Variants in ABCC11 observed in about 807,000 individuals in gnomAD.
The protein encoded by ABCC11 is ATP-binding cassette sub-family C member 11.
In ABCC11, 135 loss-of-function variants were observed where a neutral mutation model predicts 149.3. That is an observed-to-expected ratio of 0.90 (90% confidence interval 0.79 to 1.04). The LOEUF is 1.04. ABCC11 is among the 50% of genes least tolerant of loss of function. The probability of loss-of-function intolerance (pLI) is 0.00; values close to 1 mark genes in which losing one functional copy is unlikely to be tolerated. For missense variants in ABCC11, 1,680 were observed against 1,722.1 expected, an observed-to-expected ratio of 0.98 and a Z score of 0.43; for synonymous variants, 665 against 671.4, an observed-to-expected ratio of 0.99 and a Z score of 0.15.
chr16:48,243,579 G>C (rs754688874), intron 1 of ABCC11, among the ~76,000 whole-genome samples: 2 of 149,914 alleles, frequency 1.3e-5, no homozygotes, highest in Non-Finnish European at 3.0e-5. Flanking sequence ...AGGCCTATAG[G>C]TTAAACGATA....
intron 23 of ABCC11, 58 bp downstream of exon 23, chr16:48,184,382 G>A: frequency 6.4e-7 from 1 of 1,569,704 alleles, no homozygotes; most frequent in South Asian, 1.2e-5. Context: ...CTGCCCAGAA[G>A]CCACAGGCAG....
chr16:48,238,782 A>G (rs1033465752), intron 1 of ABCC11, among the ~76,000 whole-genome samples: 1 of 151,718 alleles, frequency 6.6e-6, no homozygotes, highest in Non-Finnish European at 1.5e-5. Flanking sequence ...CTAAAAATAC[A>G]AAAAATTAGC....
chr16:48,232,217 C>T (rs1970465012), intron 1 of ABCC11: 2 of 391,550 alleles, frequency 5.1e-6, no homozygotes, highest in Non-Finnish European at 4.1e-6. Flanking sequence ...TGGGCAATCT[C>T]CTTTGATGTA....
chr16:48,234,246 T>A (rs899833773), intron 1 of ABCC11, among the ~76,000 whole-genome samples: 16 of 152,196 alleles, frequency 1.1e-4, no homozygotes, highest in Non-Finnish European at 2.2e-4. Context: ...ACCATAGAGA[T>A]ATAATAGATG....
At chr16:48,190,055 A>G (rs562349590) in intron 20 of ABCC11, among the ~76,000 whole-genome samples, 10 of 152,212 alleles carry the variant, frequency 6.6e-5, no homozygotes, top group African/African-American at 2.2e-4. Context: ...TGAAGTCCCC[A>G]AGAAGGCTTT....
Position 48,193,978 on chromosome 16 carries a change from G to A in ABCC11, c.2409C>T (p.Tyr803=), listed in dbSNP as rs141897765. Residue 803 remains tyrosine (Y), a synonymous_variant, in exon 19 of 30, where the codon TAC becomes TAT. Transcript: ENST00000356608. ...AGAAGAAAATTATGCAAGAGACCAT[G>A]TAACCTGGGAGGGAGACAGTGGTGA... ...YHHYIQAAGG[Y]MVSCIIFFFV... is the part of the protein sequence containing the mutation. 1.1e-3 allele frequency: 1,761 copies of A among 1,610,476 alleles called. 23 individuals carry two copies. In the African/African-American group the frequency reaches 0.022, roughly 20 times the overall value.
At chr16:48,203,068 C>T (rs1161854961) in intron 14 of ABCC11, among the ~76,000 whole-genome samples, 160 bp downstream of exon 14, 1 of 152,246 alleles carries the variant, frequency 6.6e-6, no homozygotes, top group African/African-American at 2.4e-5. Flanking sequence ...CCCAACCTCC[C>T]TCAGTGAGGG....
intron 1 of ABCC11, among the ~76,000 whole-genome samples, chr16:48,242,494 C>G (rs1441750500): frequency 6.6e-6 from 1 of 152,154 alleles, no homozygotes; most frequent in Non-Finnish European, 1.5e-5. Flanking sequence ...GTGGCAATTC[C>G]TCAAGGATCT....
At chr16:48,238,515 A>G (rs1970790362) in intron 1 of ABCC11, among the ~76,000 whole-genome samples, 1 of 152,172 alleles carries the variant, frequency 6.6e-6, no homozygotes, top group Non-Finnish European at 1.5e-5. Flanking sequence ...TGGACTTCAC[A>G]TTGGAGAAAA....
intron 8 of ABCC11, 76 bp from the exon 9 acceptor site, chr16:48,215,105 C>G: frequency 6.3e-7 from 1 of 1,582,276 alleles, no homozygotes; most frequent in Non-Finnish European, 8.6e-7. Flanking sequence ...ATCCCCAAAG[C>G]ATTAAAAAGA....
intron 20 of ABCC11, among the ~76,000 whole-genome samples, chr16:48,189,753 G>A (rs1436778897): frequency 6.6e-6 from 1 of 152,172 alleles, no homozygotes; most frequent in Non-Finnish European, 1.5e-5. Flanking sequence ...CAGGCCTCAG[G>A]TAGAATTTCC....
intron 1 of ABCC11, among the ~76,000 whole-genome samples, chr16:48,246,951 T>C (rs1971420689): frequency 1.4e-5 from 1 of 71,394 alleles, no homozygotes; most frequent in South Asian, 4.4e-4. Flanking sequence ...TCACTAATAA[T>C]CAGGTACTGT....
intron 1 of ABCC11, among the ~76,000 whole-genome samples, chr16:48,242,219 T>TC (rs2150942814): frequency 6.6e-6 from 1 of 152,158 alleles, no homozygotes; most frequent in South Asian, 2.1e-4. Flanking sequence ...AACAACCCCA[T>TC]CTAAAAGTGG....
At chr16:48,171,868 C>T (rs1965744443) in intron 26 of ABCC11, among the ~76,000 whole-genome samples, 1 of 152,152 alleles carries the variant, frequency 6.6e-6, no homozygotes, top group Admixed American at 6.5e-5. Context: ...GAAGCTGAGA[C>T]AGAAGAATCA....
rs906086941 is a variant in ABCC11 at position 48,232,107 on chromosome 16, C to A, written c.-18-168G>T. The A allele has an allele frequency of 3.7e-6, 5 of 1,361,770 alleles. No homozygotes were observed. In the African/African-American group the frequency reaches 4.4e-5, roughly 12 times the overall value. The allele number at this position is 1,361,770 out of a possible 1,614,324, so 84.4% of individuals were successfully genotyped here. On this transcript the variant is annotated intron_variant, in intron 1 of 29. Coordinates refer to ENST00000356608, the MANE Select transcript of ABCC11 (RefSeq NM_001370497.1). ...CCTCTCCTTAGCCTGTGCTTGATCCCTCTTTTTAAACATCTTCTCAGGCCT... is the reference window on the plus strand; with the variant it reads ...CCTCTCCTTAGCCTGTGCTTGATCCATCTTTTTAAACATCTTCTCAGGCCT...
In ABCC11 at chr16:48,222,641, T is replaced by A. The variant is rs753692556; in HGVS notation, c.734A>T (p.Lys245Met). Residue 245 changes from lysine (K) to methionine (M), a missense_variant, in exon 6 of 30, where the codon AAG (lysine) becomes ATG (methionine). Lys to Met is a moderately conservative substitution (Grantham distance 95). Transcript: ENST00000356608. Reference protein sequence around the residue: ...RAAVSSFAFEKLIQFKSVIHI... With the variant: ...RAAVSSFAFEMLIQFKSVIHI... ...TATTACAGACTTAAATTGGATGAGCTTCTCAAAGGCAAAGGAGGAAACAGC... is the reference window on the plus strand; with the variant it reads ...TATTACAGACTTAAATTGGATGAGCATCTCAAAGGCAAAGGAGGAAACAGC... 1.1e-5 allele frequency: 18 copies of A among 1,614,054 alleles called. No individual in the cohort carries two copies. Among genetic ancestry groups the A allele is most frequent in the Middle Eastern group, 1.6e-4 (1 of 6,084 alleles).
At chr16:48,200,579 A>G in intron 14 of ABCC11, 100 bp from the exon 15 acceptor site, 1 of 1,209,916 alleles carries the variant, frequency 8.3e-7, no homozygotes, top group Non-Finnish European at 1.2e-6. Flanking sequence ...CCCTCAGTAC[A>G]GACCAAGATA....
chr16:48,208,170 C>T (rs1484924617), intron 12 of ABCC11, among the ~76,000 whole-genome samples: 1 of 152,150 alleles, frequency 6.6e-6, no homozygotes, highest in Non-Finnish European at 1.5e-5. Flanking sequence ...TCACAGAGCA[C>T]AGGTGAGGAC....
chr16:48,242,371 G>T (rs1971012010), intron 1 of ABCC11, among the ~76,000 whole-genome samples: 1 of 152,074 alleles, frequency 6.6e-6, no homozygotes, highest in African/African-American at 2.4e-5. Flanking sequence ...AGTTAGAATG[G>T]CAATCATTAA....
Sources: allele counts gnomAD v4.1 joint callset (sites outside exome capture counted in the v4.1 genomes callset), GRCh38; gene constraint gnomAD v4.1.1; transcripts MANE v1.5; gene names NCBI Gene and HGNC (gene_info 2026-07-23, HGNC 2026-07-21).